Variants in ZC3H18 observed in about 807,000 individuals in gnomAD.
ZC3H18 encodes the protein zinc finger CCCH-type containing 18.
Under a neutral mutation model 106.1 loss-of-function variants are expected in ZC3H18, and 8 were observed. That is an observed-to-expected ratio of 0.08 (90% CI 0.04 to 0.14). ZC3H18 has a LOEUF of 0.14. Ranked by LOEUF, ZC3H18 falls within the 10% of genes least tolerant of loss-of-function variation. ZC3H18 has a pLI of 1.00. For synonymous variants in ZC3H18, 635 were observed against 522.1 expected, an observed-to-expected ratio of 1.22 and a Z score of -2.95; for missense variants, 1,318 against 1,278.4, an observed-to-expected ratio of 1.03 and a Z score of -0.47.
chr16:88,631,963 C>T lies in ZC3H18; in HGVS notation c.*664C>T. 1 of 260,732 alleles carries T rather than the reference C, an allele frequency of 3.8e-6. No homozygotes were observed. The highest frequency in any genetic ancestry group is 7.5e-6 in the Non-Finnish European group (1 of 133,250). 16.2% of individuals were successfully genotyped at this position (260,732 alleles called of 1,614,324 possible). ...TCCTAAAATAAAATATTTTGATAAG[C>T]AGCTGTCCTTGCCCTCGTGGTGTGT... is the stretch of plus-strand genomic sequence containing the variant. On this transcript the variant is annotated 3_prime_UTR_variant, in exon 18 of 18. Coordinates refer to ENST00000301011, the MANE Select transcript of ZC3H18 (RefSeq NM_144604.4).
chr16:88,576,224 C>T (rs994317319), intron 1 of ZC3H18, among the ~76,000 whole-genome samples: 1 of 148,208 alleles, frequency 6.7e-6, no homozygotes, highest in African/African-American at 2.5e-5. Flanking sequence ...TTTTTTTTTA[C>T]AGAGACAGGG....
intron 2 of ZC3H18, among the ~76,000 whole-genome samples, chr16:88,584,035 A>C (rs1915295752): frequency 6.6e-6 from 1 of 152,036 alleles, no homozygotes; most frequent in South Asian, 2.1e-4. Flanking sequence ...AAAATTTAAG[A>C]ACTTGTTTTA....
chr16:88,573,056 C>G (rs755040411), intron 1 of ZC3H18, among the ~76,000 whole-genome samples: 52 of 152,180 alleles, frequency 3.4e-4, no homozygotes, highest in Non-Finnish European at 4.4e-5. Context: ...CACACCCAGC[C>G]AATTGTGTGA....
chr16:88,628,931 C>T (rs1354118334), intron 16 of ZC3H18, 77 bp downstream of exon 16: 83 of 1,430,024 alleles, frequency 5.8e-5, no homozygotes, highest in Non-Finnish European at 7.7e-5. Flanking sequence ...TCTGAGACCC[C>T]ATTGCTCTTA....
intron 6 of ZC3H18, among the ~76,000 whole-genome samples, chr16:88,607,495 G>C (rs990218608): frequency 2.6e-5 from 4 of 152,210 alleles, no homozygotes; most frequent in Admixed American, 1.3e-4. Flanking sequence ...TCCGAGCTGC[G>C]CTCTCCCAGT....
At chr16:88,572,462 C>T (rs1276373523) in intron 1 of ZC3H18, among the ~76,000 whole-genome samples, 1 of 151,844 alleles carries the variant, frequency 6.6e-6, no homozygotes, top group African/African-American at 2.4e-5. Context: ...AGTTTTTTGT[C>T]ATGTATTCAA....
At position 88,598,613 on chromosome 16, in the gene ZC3H18, T is replaced by C; in HGVS notation, c.838-7T>C. The C allele has an allele frequency of 6.2e-7, 1 of 1,605,976 alleles. No homozygotes were observed. Among genetic ancestry groups the C allele is most frequent in the Non-Finnish European group, 8.5e-7 (1 of 1,175,448 alleles). ...TTCTCACCTTCTCCCTTCTCGTTTT[T>C]CAATAGGGTGGGCCGGTAGTTGATG... On this transcript the variant is annotated splice_polypyrimidine_tract_variant and splice_region_variant and intron_variant, in intron 4 of 17. Transcript: ENST00000301011.
intron 3 of ZC3H18, among the ~76,000 whole-genome samples, chr16:88,597,186 C>T (rs75933913): frequency 0.087 from 13,261 of 152,178 alleles, 661 homozygotes; most frequent in Middle Eastern, 0.14. Context: ...CTCCCAACTT[C>T]GTTTGACTTA....
intron 8 of ZC3H18, among the ~76,000 whole-genome samples, chr16:88,619,346 G>T (rs1468387706): frequency 1.3e-5 from 2 of 152,210 alleles, no homozygotes; most frequent in Non-Finnish European, 2.9e-5. Context: ...TCCCACACGT[G>T]GTAACATGGA....
intron 15 of ZC3H18, 116 bp from the exon 16 acceptor site, chr16:88,628,642 G>GGTGGGAC: frequency 9.1e-7 from 1 of 1,102,490 alleles, no homozygotes; most frequent in Non-Finnish European, 1.4e-6. Context: ...ATGGGTGTGT[G>GGTGGGAC]GTGGGACCTT....
rs1257154882 is a variant in ZC3H18 at position 88,577,140 on chromosome 16, G to A, written c.17G>A (p.Ser6Asn). The change falls in exon 2 of 18, where the codon AGC becomes AAC. Residue 6 changes from serine (S) to asparagine (N), a missense_variant. By Grantham distance (46) the Ser-to-Asn change is conservative. This residue lies in a region of ZC3H18 where 346 missense variants were observed against 269.0 expected (regional missense o/e 1.29). Transcript: ENST00000301011. ...TGGGTACCGATGGATGTGGCCGAGA[G>A]CCCTGAACGGGATCCTCACTCTCCA... MDVAE[S>N]PERDPHSPED... 3.8e-6 allele frequency: 6 copies of A among 1,565,828 alleles called. No homozygotes were observed. The highest frequency in any genetic ancestry group is 1.4e-5 in the African/African-American group (1 of 73,464).
chr16:88,615,535 A>G (rs1182885068), intron 8 of ZC3H18, among the ~76,000 whole-genome samples: 1 of 152,224 alleles, frequency 6.6e-6, no homozygotes, highest in African/African-American at 2.4e-5. Context: ...CCTGCATGTC[A>G]TAATTGATTG....
intron 1 of ZC3H18, among the ~76,000 whole-genome samples, chr16:88,573,854 T>G (rs1388578029): frequency 2.0e-5 from 3 of 151,996 alleles, no homozygotes; most frequent in Admixed American, 6.6e-5. Flanking sequence ...GGTTTGTAAA[T>G]CTATGTTATT....
intron 9 of ZC3H18, chr16:88,622,930 G>A: frequency 2.2e-6 from 1 of 454,292 alleles, no homozygotes; most frequent in Non-Finnish European, 4.0e-6. Flanking sequence ...ACCCACGTGA[G>A]CTGGGTCTGC....
chr16:88,626,183 C>G (rs180849370), intron 13 of ZC3H18: 1 of 152,104 alleles, frequency 6.6e-6, no homozygotes, highest in African/African-American at 2.4e-5. Context: ...AACTCCTGAC[C>G]TCAGGTGATC....
intron 9 of ZC3H18, 105 bp from the exon 10 acceptor site, chr16:88,623,114 T>G (rs1332669911): frequency 4.1e-6 from 6 of 1,480,702 alleles, no homozygotes; most frequent in Non-Finnish European, 5.4e-6. Flanking sequence ...CGCTTGTGTG[T>G]AGCTGTGCGT....
intron 3 of ZC3H18, 84 bp downstream of exon 3, chr16:88,586,768 C>G (rs1282115694): frequency 9.2e-7 from 1 of 1,092,496 alleles, no homozygotes; most frequent in South Asian, 1.3e-5. Context: ...CTTGCCAGGC[C>G]CTGCTCTGCT....
intron 7 of ZC3H18, among the ~76,000 whole-genome samples, chr16:88,610,482 C>T (rs1450179844): frequency 2.0e-5 from 3 of 152,136 alleles, no homozygotes; most frequent in African/African-American, 7.2e-5. Context: ...GGGCAGGGTA[C>T]CCTGGAAGGT....
intron 6 of ZC3H18, among the ~76,000 whole-genome samples, chr16:88,606,548 CTATTGGGCT>C (rs1320500539): frequency 6.6e-6 from 1 of 152,266 alleles, no homozygotes; most frequent in Non-Finnish European, 1.5e-5. Flanking sequence ...CTTTTCTACC[CTATTGGGCT>C]TACGCAATCA....
Sources: gnomAD v4.1 joint callset for allele counts (sites outside exome capture counted in the v4.1 genomes callset) on GRCh38, gnomAD v4.1.1 for gene constraint, gnomAD v4.1.1 regional missense constraint, MANE v1.5 for transcripts, NCBI Gene and HGNC (gene_info 2026-07-23, HGNC 2026-07-21) for gene names.